SLC3A2: variants seen among roughly 807,000 people sequenced by gnomAD.
SLC3A2 encodes amino acid transporter heavy chain SLC3A2.
Under a neutral mutation model 48.5 loss-of-function variants are expected in SLC3A2, and 32 were observed. The observed-to-expected ratio is 0.66, with a 90% CI of 0.50 to 0.89. SLC3A2 has a LOEUF of 0.89. Among genes scored for constraint, SLC3A2 ranks in the 40% least tolerant of loss-of-function variants. The pLI is 0.00. For synonymous variants in SLC3A2, 277 were observed against 288.8 expected, an observed-to-expected ratio of 0.96 and a Z score of 0.41; for missense variants, 587 against 680.7, an observed-to-expected ratio of 0.86 and a Z score of 1.53.
At chr11:62,864,618 C>G (rs906001065) in intron 1 of SLC3A2, among the ~76,000 whole-genome samples, 1 of 150,992 alleles carries the variant, frequency 6.6e-6, no homozygotes, top group Non-Finnish European at 1.5e-5. Context: ...AGGCGCCCAC[C>G]ACCAAGTCTG....
At chr11:62,873,203 T>C (rs1220796114) in intron 1 of SLC3A2, among the ~76,000 whole-genome samples, 1 of 151,866 alleles carries the variant, frequency 6.6e-6, no homozygotes, top group East Asian at 1.9e-4. Flanking sequence ...AAAAAATTTT[T>C]TGTGGCCGGG....
chr11:62,882,208 C>T (rs1590633743), intron 2 of SLC3A2, 142 bp downstream of exon 2: 2 of 946,760 alleles, frequency 2.1e-6, no homozygotes, highest in Non-Finnish European at 3.2e-6. Flanking sequence ...TAGTCTTCAG[C>T]CTAAAATGGA....
intron 1 of SLC3A2, among the ~76,000 whole-genome samples, chr11:62,874,183 G>A (rs537661762): frequency 4.8e-4 from 73 of 151,920 alleles, no homozygotes; most frequent in African/African-American, 1.7e-3. Flanking sequence ...GTGTGATCAT[G>A]ACTGCAGAAA....
chr11:62,866,769 A>T (rs973689829), intron 1 of SLC3A2, among the ~76,000 whole-genome samples: 2 of 152,166 alleles, frequency 1.3e-5, no homozygotes, highest in African/African-American at 4.8e-5. Flanking sequence ...GTACTTGAGG[A>T]TACTTTATCA....
chr11:62,887,583 T>C (rs1243710458), intron 7 of SLC3A2, among the ~76,000 whole-genome samples: 2 of 151,620 alleles, frequency 1.3e-5, no homozygotes, highest in African/African-American at 2.4e-5. Flanking sequence ...TGCACACCTA[T>C]GGTCAGCTAC....
chr11:62,877,025 T>C, upstream of SLC3A2: 1 of 855,494 alleles, frequency 1.2e-6, no homozygotes, highest in Middle Eastern at 3.0e-4. Flanking sequence ...CTTCACATGC[T>C]AGTTTTTTTC....
intron 1 of SLC3A2, among the ~76,000 whole-genome samples, chr11:62,864,380 C>A (rs571439544): frequency 7.0e-4 from 107 of 152,050 alleles, no homozygotes; most frequent in Non-Finnish European, 4.6e-4. Context: ...CTTCCACCTT[C>A]CGAGTTCAAG....
At chr11:62,887,951 C>A in intron 7 of SLC3A2, 184 bp from the exon 8 acceptor site, 1 of 510,458 alleles carries the variant, frequency 2.0e-6, no homozygotes, top group Non-Finnish European at 3.6e-6. Flanking sequence ...TAACACTACA[C>A]CCAGCTAATT....
At position 62,856,224 on chromosome 11, in the gene SLC3A2, T is replaced by A. The variant is rs774538187; in HGVS notation, c.-46T>A. The A allele has an allele frequency of 5.3e-6, 8 of 1,497,726 alleles. No individual in the cohort carries two copies. In the South Asian group the frequency reaches 7.0e-5, roughly 13 times the overall value. 92.8% of individuals were successfully genotyped at this position (1,497,726 alleles called of 1,614,324 possible). On this transcript the variant is annotated 5_prime_UTR_variant, in exon 1 of 10. Coordinates refer to the SLC3A2 transcript ENST00000377889. The stretch of plus-strand genomic sequence containing the variant: ...CCTACCCTCTAACCCTGTTCTGAGC[T>A]GCCCCTTGCCCACACACCCCAAACC...
At chr11:62,878,469 AT>A (rs35228448), upstream of SLC3A2, among the ~76,000 whole-genome samples, 683 of 142,352 alleles carry the variant, frequency 4.8e-3, 2 homozygotes, top group African/African-American at 0.012. Flanking sequence ...ACAGATGATA[AT>A]TTTTTTTTTT....
chr11:62,857,456 G>A (rs972418606), intron 1 of SLC3A2, among the ~76,000 whole-genome samples: 2 of 152,048 alleles, frequency 1.3e-5, no homozygotes, highest in African/African-American at 2.4e-5. Flanking sequence ...AAGGCGGGAG[G>A]ATCTCTTGAG....
chr11:62,872,706 G>T (rs1590626031), intron 1 of SLC3A2, among the ~76,000 whole-genome samples: 1 of 152,168 alleles, frequency 6.6e-6, no homozygotes, highest in African/African-American at 2.4e-5. Flanking sequence ...CGGTTCAAGT[G>T]ATTCTCCTGC....
At chr11:62,870,843 AATAATAATAATAATTATTATT>A (rs1269368227) in intron 1 of SLC3A2, 3 of 103,654 alleles carry the variant, frequency 2.9e-5, no homozygotes, top group African/African-American at 1.3e-4. Context: ...GATAGGTAAT[AATAATAATAATAATTATTATT>A]ATTATTATTA....
chr11:62,862,571 G>C (rs922953837), intron 1 of SLC3A2, among the ~76,000 whole-genome samples: 10 of 151,888 alleles, frequency 6.6e-5, no homozygotes, highest in Non-Finnish European at 1.5e-4. Context: ...TCAACTCCCT[G>C]GGGTTTGATT....
chr11:62,886,840 C>T (rs1225101157), intron 7 of SLC3A2, among the ~76,000 whole-genome samples: 1 of 152,162 alleles, frequency 6.6e-6, no homozygotes, highest in Non-Finnish European at 1.5e-5. Context: ...CTCAATCGCT[C>T]TGCCTGCCCT....
chr11:62,876,847 C>A, upstream of SLC3A2: 1 of 926,664 alleles, frequency 1.1e-6, no homozygotes, highest in Non-Finnish European at 1.4e-6. Context: ...ATTGATCCGA[C>A]TGCCTCGGCC....
intron 1 of SLC3A2, among the ~76,000 whole-genome samples, chr11:62,873,806 T>G (rs2085542662): frequency 6.6e-6 from 1 of 151,824 alleles, no homozygotes; most frequent in Non-Finnish European, 1.5e-5. Context: ...TTTCTAATTT[T>G]TATTTTAATT....
At chr11:62,885,392 G>A (rs1444528693) in intron 6 of SLC3A2, 35 bp downstream of exon 6, 1 of 1,613,958 alleles carries the variant, frequency 6.2e-7, no homozygotes, top group Non-Finnish European at 8.5e-7. Context: ...GGGGCAGATG[G>A]GAGAAGAAAG....
At position 62,881,217 on chromosome 11, in the gene SLC3A2, A is replaced by C; in HGVS notation, c.194A>C (p.Lys65Thr). The C allele has an allele frequency of 1.9e-6, 3 of 1,588,632 alleles. No individual in the cohort carries two copies. The highest frequency in any genetic ancestry group is 2.3e-5 in the East Asian group (1 of 44,044). The stretch of plus-strand genomic sequence containing the variant: ...GCGGCTAAGTTCACGGGCCTGTCCA[A>C]GGAGGAGCTGCTGAAGGTGGCAGGC... Reference protein sequence around the residue: ...AAAAKFTGLSKEELLKVAGSP... With the variant: ...AAAAKFTGLSTEELLKVAGSP... The change falls in exon 1 of 9, where the codon AAG (lysine) becomes ACG (threonine). Residue 65 changes from lysine (K) to threonine (T), a missense_variant. Lys to Thr is a moderately conservative substitution (Grantham distance 78). Around this residue, in one of 3 missense-constraint regions of SLC3A2, gnomAD observed 409 missense variants for 446.7 expected, o/e 0.92. Transcript: ENST00000338663. The surrounding 1 kb of genome is among the most constrained non-coding windows in gnomAD (Gnocchi z 4.0).
Sources: gnomAD v4.1 joint callset for allele counts (sites outside exome capture counted in the v4.1 genomes callset) on GRCh38, gnomAD v4.1.1 for gene constraint, gnomAD v4.1.1 regional missense constraint, Gnocchi (gnomAD v3.1) non-coding constraint, MANE v1.5 for transcripts, NCBI Gene and HGNC (gene_info 2026-07-23, HGNC 2026-07-21) for gene names.